The following LTN1 variants were observed in gnomAD, a reference collection of about 807,000 sequenced individuals.
LTN1 encodes E3 ubiquitin-protein ligase listerin.
In LTN1, 88 loss-of-function variants were observed where a neutral mutation model predicts 201.2. The observed-to-expected ratio is 0.44, with a 90% confidence interval of 0.37 to 0.52. The LOEUF is 0.52. Among genes scored for constraint, LTN1 ranks in the 20% least tolerant of loss-of-function variants. The pLI is 0.00. For missense variants in LTN1, 1,752 were observed against 2,038.7 expected (o/e 0.86, Z 2.71); for synonymous variants, 645 against 713.5 (o/e 0.90, Z 1.53).
rs372963137 is a variant in LTN1 at position 28,966,225 on chromosome 21, T to C, written c.2121+145A>G. The C allele has an allele frequency of 1.4e-5, 10 of 701,342 alleles. No homozygotes were observed. In the African/African-American group the frequency reaches 1.8e-4, roughly 13 times the overall value. The allele number at this position is 701,342 out of a possible 1,614,324, so 43.4% of individuals were successfully genotyped here. On this transcript the variant is annotated intron_variant, in intron 10 of 29. Coordinates refer to ENST00000361371, the MANE Select transcript of LTN1 (RefSeq NM_015565.3). Reference sequence around the variant, plus strand: ...CTGCTGAACATCTACCCAGCAGCCCTAGATACTTCCCAAATCATGATCAAG... The same window carrying C: ...CTGCTGAACATCTACCCAGCAGCCCCAGATACTTCCCAAATCATGATCAAG...
In LTN1 at chr21:28,947,473, T is replaced by C; in HGVS notation, c.3478A>G (p.Ser1160Gly). 1 of 1,526,114 alleles carries C rather than the reference T, an allele frequency of 6.6e-7. No homozygotes were observed. The highest frequency in any genetic ancestry group is 8.7e-7 in the Non-Finnish European group (1 of 1,143,226). The allele number at this position is 1,526,114 out of a possible 1,614,324, so 94.5% of individuals were successfully genotyped here. Residue 1160 changes from serine to glycine, a missense_variant, in exon 19 of 30, where the codon AGC becomes GGC. Ser to Gly is a moderately conservative substitution (Grantham distance 56). Transcript: ENST00000361371. ...LLGWTKKDLC[S>G]TNGGFGHLAI... ...TTATCAAGCAACTAACCATTAGTGC[T>C]GCAAAGATCTTTCTTAGTCCAGCCC...
chr21:28,953,315 T>C lies in LTN1; in HGVS notation c.3141A>G (p.Leu1047=), dbSNP rs780027387. The C allele has an allele frequency of 5.6e-6, 9 of 1,607,834 alleles. No homozygotes were observed. Among genetic ancestry groups the C allele is most frequent in the African/African-American group, 1.3e-5 (1 of 74,524 alleles). Residue 1047 remains leucine (L), a synonymous_variant, in exon 17 of 30, where the codon CTA becomes CTG. Coordinates refer to ENST00000361371, the MANE Select transcript of LTN1 (RefSeq NM_015565.3). ...TTTGAAGTATTTCACAAAATCCAATTAGAAAAATAGGTGGGTTATCTAATT... is the reference window on the plus strand; with the variant it reads ...TTTGAAGTATTTCACAAAATCCAATCAGAAAAATAGGTGGGTTATCTAATT... The part of the protein sequence containing the change: ...CEELDNPPIF[L]IGFCEILQKM...
rs67814193 is a variant in LTN1, at chr21:28,933,661, TTCTC to T, written c.4876-1001_4876-998del. ...TATGCTTTTTGCTTTTGCAATACTA[TTCTC>T]TCTCTCTCTCTCTTTTTTTTTTTTT... On this transcript the variant is annotated intron_variant, in intron 27 of 29. Coordinates refer to ENST00000361371, the MANE Select transcript of LTN1 (RefSeq NM_015565.3). 7.6e-3 allele frequency among the ~76,000 whole-genome samples: 1,143 copies of T among 151,220 alleles called. 8 individuals are homozygous for T. Among genetic ancestry groups the T allele is most frequent in the Non-Finnish European group, 0.011 (777 of 67,742 alleles).
At chr21:28,948,554 TG>T (rs989358326) in intron 18 of LTN1, among the ~76,000 whole-genome samples, 2 of 152,108 alleles carry the variant, frequency 1.3e-5, no homozygotes, top group Non-Finnish European at 2.9e-5. Flanking sequence ...ATTCCAGGCC[TG>T]TGTGTCCTTT....
chr21:28,947,416 C>T, intron 19 of LTN1, 48 bp downstream of exon 19: 1 of 1,418,666 alleles, frequency 7.0e-7, no homozygotes. Context: ...AGTTCTTCAT[C>T]TCAAGCAATA....
intron 9 of LTN1, among the ~76,000 whole-genome samples, chr21:28,968,822 G>C (rs1022335795): frequency 2.6e-5 from 4 of 151,680 alleles, no homozygotes; most frequent in African/African-American, 9.7e-5. Flanking sequence ...GGTCAGGCTG[G>C]TCTTGAACCC....
At chr21:28,957,667 T>C (rs1028979354) in intron 14 of LTN1, among the ~76,000 whole-genome samples, 191 bp from the exon 15 acceptor site, 1 of 152,052 alleles carries the variant, frequency 6.6e-6, no homozygotes, top group Non-Finnish European at 1.5e-5. Flanking sequence ...AATCCAATAT[T>C]TATCATTTGA....
At chr21:28,968,369 C>G (rs2084544014) in intron 9 of LTN1, among the ~76,000 whole-genome samples, 1 of 152,132 alleles carries the variant, frequency 6.6e-6, no homozygotes, top group African/African-American at 2.4e-5. Context: ...ATCCTATTTC[C>G]TAAATTACAA....
intron 14 of LTN1, 53 bp downstream of exon 14, chr21:28,958,333 G>A (rs2084443427): frequency 1.3e-6 from 2 of 1,517,122 alleles, no homozygotes; most frequent in Non-Finnish European, 8.9e-7. Context: ...TCTAATTTAA[G>A]GACACTGTTC....
At chr21:28,947,756 T>C in intron 18 of LTN1, 150 bp from the exon 19 acceptor site, 2 of 502,958 alleles carry the variant, frequency 4.0e-6, no homozygotes, top group South Asian at 5.2e-5. Flanking sequence ...ATTTAACAAG[T>C]GCTGACTTGA....
intron 27 of LTN1, among the ~76,000 whole-genome samples, chr21:28,933,767 C>A (rs577473438): frequency 3.5e-4 from 53 of 151,614 alleles, no homozygotes; most frequent in African/African-American, 1.1e-3. Flanking sequence ...ACCTCCGCCT[C>A]CCGGGTTCAA....
At chr21:28,981,683 A>G (rs542003353) in intron 5 of LTN1, among the ~76,000 whole-genome samples, 27 of 152,236 alleles carry the variant, frequency 1.8e-4, no homozygotes, top group Admixed American at 3.9e-4. Flanking sequence ...TTTCAACAGA[A>G]CTATTTATAT....
At chr21:28,991,128 C>G (rs1310034046) in intron 1 of LTN1, among the ~76,000 whole-genome samples, 1 of 149,622 alleles carries the variant, frequency 6.7e-6, no homozygotes, top group African/African-American at 2.5e-5. Flanking sequence ...CAGAGCCAGA[C>G]TCTGTCCCCG....
chr21:28,957,427 C>T lies in LTN1; in HGVS notation c.2797G>A (p.Glu933Lys), dbSNP rs1166255259. 1.9e-6 allele frequency: 3 copies of T among 1,599,542 alleles called. No homozygotes were observed. The highest frequency in any genetic ancestry group is 2.6e-6 in the Non-Finnish European group (3 of 1,175,470). The change falls in exon 15 of 30, where the codon GAG (glutamate) becomes AAG (lysine). Residue 933 changes from glutamate to lysine, a missense_variant. By Grantham distance (56) the Glu-to-Lys change is moderately conservative. Transcript: ENST00000361371. ...CCCATAAGATAAGAATCTTCACTCTCTAGAAGTGTATTTAGCAAATCATCA... is the reference window on the plus strand; with the variant it reads ...CCCATAAGATAAGAATCTTCACTCTTTAGAAGTGTATTTAGCAAATCATCA... ...AVDDLLNTLLESEDSYLMGVY... is the reference protein window; with the variant it reads ...AVDDLLNTLLKSEDSYLMGVY...
intron 6 of LTN1, among the ~76,000 whole-genome samples, chr21:28,974,958 G>C (rs1251554198): frequency 1.3e-5 from 2 of 151,800 alleles, no homozygotes; most frequent in East Asian, 3.9e-4. Context: ...TTTGGTATGG[G>C]TCTAATCAAG....
At chr21:28,968,713 A>G (rs1217485829) in intron 9 of LTN1, among the ~76,000 whole-genome samples, 1 of 151,860 alleles carries the variant, frequency 6.6e-6, no homozygotes, top group Non-Finnish European at 1.5e-5. Flanking sequence ...TCCCAGGTTC[A>G]AGCAATTCTC....
chr21:28,941,259 C>T lies in LTN1; in HGVS notation c.4443G>A (p.Trp1481Ter), dbSNP rs750283286. ...FCYVLGYLLT[W>*]KLILTFFKAA... is the part of the protein sequence containing the mutation. ...CTTTGAAGAAAGTTAGTATTAATTT[C>T]CAAGTGAGAAGGTATCCCAGAACAT... Residue 1481 changes from tryptophan to a stop codon, truncating the protein, a stop_gained, in exon 25 of 30, where the codon TGG becomes TGA. Coordinates refer to ENST00000361371, the MANE Select transcript of LTN1 (RefSeq NM_015565.3). LOFTEE classifies it high-confidence loss of function. 6.2e-7 allele frequency: 1 copy of T among 1,611,272 alleles called. No homozygotes were observed.
At chr21:28,942,455 G>A (rs1353596367) in intron 24 of LTN1, among the ~76,000 whole-genome samples, 3 of 152,062 alleles carry the variant, frequency 2.0e-5, no homozygotes, top group South Asian at 4.2e-4. Context: ...ATTTATTATA[G>A]GCCAGGAAGC....
At chr21:28,960,949 T>A in intron 11 of LTN1, 1 of 295,942 alleles carries the variant, frequency 3.4e-6, no homozygotes. Context: ...ACCCCCCCCT[T>A]TTTTTTTTAA....
Sources: gnomAD v4.1 joint callset for allele counts (sites outside exome capture counted in the v4.1 genomes callset) on GRCh38, gnomAD v4.1.1 for gene constraint, MANE v1.5 for transcripts, NCBI Gene and HGNC (gene_info 2026-07-23, HGNC 2026-07-21) for gene names.